PRDM5: variants seen among roughly 807,000 people sequenced by gnomAD.
PRDM5 encodes the protein PR domain zinc finger protein 5.
A neutral mutation model predicts 81.2 loss-of-function variants in PRDM5; 56 were observed. The ratio of observed to expected loss-of-function variants is 0.69; its 90% CI spans 0.56 to 0.86. The LOEUF (loss-of-function observed/expected upper bound fraction) is 0.86. Ranked by LOEUF, PRDM5 falls within the 40% of genes least tolerant of loss-of-function variation. The pLI is 0.00. For missense variants in PRDM5, 697 were observed against 770.1 expected, an observed-to-expected ratio of 0.91 and a Z score of 1.12; for synonymous variants, 267 against 256.4, an observed-to-expected ratio of 1.04 and a Z score of -0.39.
At chr4:120,766,447 C>T (rs912024132) in intron 13 of PRDM5, among the ~76,000 whole-genome samples, 6 of 152,266 alleles carry the variant, frequency 3.9e-5, no homozygotes, top group African/African-American at 9.6e-5. Flanking sequence ...ACTAATTTTA[C>T]GGTAGCAAAG....
intron 2 of PRDM5, among the ~76,000 whole-genome samples, chr4:120,880,635 G>T (rs180730): frequency 5.9e-5 from 9 of 151,402 alleles, no homozygotes; most frequent in African/African-American, 2.2e-4. Flanking sequence ...CTACATTTTC[G>T]TCATTAATAT....
intron 14 of PRDM5, among the ~76,000 whole-genome samples, chr4:120,724,287 G>C (rs1739080442): frequency 6.6e-6 from 1 of 152,114 alleles, no homozygotes; most frequent in African/African-American, 2.4e-5. Context: ...GTTTAAAATG[G>C]GGTCCTTATC....
At chr4:120,821,114 A>C in intron 4 of PRDM5, 57 bp downstream of exon 4, 1 of 1,566,300 alleles carries the variant, frequency 6.4e-7, no homozygotes, top group Non-Finnish European at 8.8e-7. Flanking sequence ...CACAGTTTAA[A>C]CTACACTTTT....
chr4:120,840,622 G>GCACCACT (rs1024852513), intron 3 of PRDM5, among the ~76,000 whole-genome samples: 13 of 152,014 alleles, frequency 8.6e-5, no homozygotes. Flanking sequence ...GGCAAGCACA[G>GCACCACT]CACCACTCCA....
chr4:120,866,634 C>T (rs1045020038), intron 2 of PRDM5, among the ~76,000 whole-genome samples: 3 of 152,150 alleles, frequency 2.0e-5, no homozygotes, highest in Non-Finnish European at 2.9e-5. Context: ...AATAACTTTC[C>T]AAAGGTTTCA....
intron 14 of PRDM5, among the ~76,000 whole-genome samples, chr4:120,714,248 CT>C (rs1381492709): frequency 1.3e-5 from 2 of 152,104 alleles, no homozygotes; most frequent in Non-Finnish European, 2.9e-5. Flanking sequence ...AATATGACTA[CT>C]TTTCTCATTT....
intron 2 of PRDM5, among the ~76,000 whole-genome samples, chr4:120,880,891 C>G (rs1284772800): frequency 6.6e-6 from 1 of 152,062 alleles, no homozygotes; most frequent in Admixed American, 6.6e-5. Context: ...TTTATCAACT[C>G]TGGGTGTCAA....
Position 120,922,598 on chromosome 4 carries a change from A to C in PRDM5, c.11T>G (p.Met4Arg). 6.2e-7 allele frequency: 1 copy of C among 1,607,036 alleles called. No homozygotes were observed. Among genetic ancestry groups the C allele is most frequent in the Non-Finnish European group, 8.5e-7 (1 of 1,177,576 alleles). ...CAGGGAGAACCTGTCCGGCACGTACATGCCCAGCATTTTCCCGGGCGCGGC... is the reference window on the plus strand; with the variant it reads ...CAGGGAGAACCTGTCCGGCACGTACCTGCCCAGCATTTTCCCGGGCGCGGC... MLG[M>R]YVPDRFSLKS... The change falls in exon 1 of 16, where the codon ATG (methionine) becomes AGG (arginine). Residue 4 changes from methionine (M) to arginine (R), a missense_variant. Around this residue, in one of 3 missense-constraint regions of PRDM5, gnomAD observed 577 missense variants for 606.7 expected, o/e 0.95. Transcript: ENST00000264808.
chr4:120,801,214 C>T (rs896907654), intron 8 of PRDM5, among the ~76,000 whole-genome samples: 17 of 152,188 alleles, frequency 1.1e-4, no homozygotes, highest in Admixed American at 8.5e-4. Context: ...GACAGTGTCC[C>T]TGCAGAATAA....
intron 14 of PRDM5, among the ~76,000 whole-genome samples, chr4:120,726,699 A>G (rs1739463928): frequency 2.0e-5 from 3 of 152,216 alleles, no homozygotes; most frequent in Admixed American, 6.5e-5. Context: ...CCCCTCAAAG[A>G]ATGTCCACAA....
intron 13 of PRDM5, among the ~76,000 whole-genome samples, chr4:120,756,970 C>G (rs750560752): frequency 6.6e-6 from 1 of 152,176 alleles, no homozygotes; most frequent in Non-Finnish European, 1.5e-5. Context: ...AGCTTTACGT[C>G]TGGTTTTGTT....
chr4:120,857,143 G>C (rs958372584), intron 2 of PRDM5, among the ~76,000 whole-genome samples: 1 of 152,140 alleles, frequency 6.6e-6, no homozygotes, highest in South Asian at 2.1e-4. Flanking sequence ...ATCACCTGAG[G>C]GTAGGAGTTT....
intron 13 of PRDM5, among the ~76,000 whole-genome samples, chr4:120,772,927 T>C (rs1036965467): frequency 4.6e-5 from 7 of 152,270 alleles, no homozygotes; most frequent in Admixed American, 4.6e-4. Context: ...CAATTTGTAA[T>C]ACTAGTCACT....
intron 2 of PRDM5, among the ~76,000 whole-genome samples, chr4:120,877,223 C>T (rs762293299): frequency 6.6e-6 from 1 of 152,078 alleles, no homozygotes; most frequent in Non-Finnish European, 1.5e-5. Context: ...CTTGAATAAA[C>T]GAAGACTTTG....
chr4:120,688,596 T>C (rs931728541), downstream of PRDM5, among the ~76,000 whole-genome samples: 1 of 152,180 alleles, frequency 6.6e-6, no homozygotes, highest in Admixed American at 6.6e-5. Flanking sequence ...CTTTCTAGTT[T>C]TAAAGTTTTG....
At chr4:120,783,229 TC>T (rs1161855240) in intron 11 of PRDM5, among the ~76,000 whole-genome samples, 1 of 152,216 alleles carries the variant, frequency 6.6e-6, no homozygotes, top group East Asian at 1.9e-4. Flanking sequence ...GTTTTCCCAT[TC>T]TTTTCACTAA....
At chr4:120,698,414 G>A (rs1734839246) in intron 15 of PRDM5, among the ~76,000 whole-genome samples, 2 of 151,890 alleles carry the variant, frequency 1.3e-5, no homozygotes, top group African/African-American at 4.8e-5. Flanking sequence ...TCCGGAATAG[G>A]CCCTTCCTCC....
intron 2 of PRDM5, among the ~76,000 whole-genome samples, chr4:120,895,125 A>G (rs1764473987): frequency 6.6e-6 from 1 of 152,250 alleles, no homozygotes; most frequent in Non-Finnish European, 1.5e-5. Flanking sequence ...TAGAGAAAGT[A>G]AAATCAAGAA....
chr4:120,780,545 G>A (rs1174976920), intron 12 of PRDM5, among the ~76,000 whole-genome samples: 4 of 152,044 alleles, frequency 2.6e-5, no homozygotes, highest in East Asian at 1.9e-4. Flanking sequence ...TATTGAGCAC[G>A]TAAAAAATAA....
Sources: gnomAD v4.1 joint callset for allele counts (sites outside exome capture counted in the v4.1 genomes callset) on GRCh38, gnomAD v4.1.1 for gene constraint, gnomAD v4.1.1 regional missense constraint, MANE v1.5 for transcripts, NCBI Gene and HGNC (gene_info 2026-07-23, HGNC 2026-07-21) for gene names.